The following HAVCR1 variants were observed in gnomAD, a reference collection of about 807,000 sequenced individuals.
The protein encoded by HAVCR1 is T cell immunoglobin domain and mucin domain protein 1.
HAVCR1 carries 34 observed loss-of-function variants against 32.0 expected under a neutral mutation model. The ratio of observed to expected loss-of-function variants is 1.06; its 90% CI spans 0.81 to 1.42. The LOEUF is 1.42. Ranked by LOEUF, HAVCR1 falls within the 40% of genes most tolerant of loss-of-function variation. The pLI, the probability that HAVCR1 is intolerant of heterozygous loss-of-function variation, is 0.00. For synonymous variants in HAVCR1, 178 were observed against 170.3 expected, an observed-to-expected ratio of 1.05 and a Z score of -0.35; for missense variants, 420 against 442.3, an observed-to-expected ratio of 0.95 and a Z score of 0.45.
At chr5:157,049,259 T>G in intron 4 of HAVCR1, 114 bp from the exon 5 acceptor site, 1 of 724,976 alleles carries the variant, frequency 1.4e-6, no homozygotes, top group Non-Finnish European at 2.5e-6. Flanking sequence ...CATGGGCCCT[T>G]CTCCTGGCCT....
chr5:157,044,484 G>A (rs59678370), intron 5 of HAVCR1, among the ~76,000 whole-genome samples: 7,370 of 37,192 alleles, frequency 0.2, 746 homozygotes, highest in East Asian at 0.42. Context: ...AGGAAGGAAG[G>A]AAGGAAGGAA....
intron 7 of HAVCR1, among the ~76,000 whole-genome samples, chr5:157,036,610 T>C (rs1645039504): frequency 6.6e-6 from 1 of 152,256 alleles, no homozygotes; most frequent in South Asian, 2.1e-4. Context: ...TAGAGATTTA[T>C]GGCAAAAGGA....
intron 7 of HAVCR1, among the ~76,000 whole-genome samples, chr5:157,034,049 G>A (rs1002497040): frequency 2.0e-5 from 3 of 152,138 alleles, no homozygotes; most frequent in Admixed American, 6.6e-5. Context: ...TCATCAGGTG[G>A]GACAAGAGAC....
chr5:157,042,461 A>G (rs1754964776), intron 6 of HAVCR1, among the ~76,000 whole-genome samples, 166 bp downstream of exon 6: 1 of 138,314 alleles, frequency 7.2e-6, no homozygotes, highest in Non-Finnish European at 1.6e-5. Flanking sequence ...AAAAAAAAAA[A>G]TTAAAGCATC....
upstream of HAVCR1, among the ~76,000 whole-genome samples, chr5:157,059,746 G>A (rs561923544): frequency 6.6e-6 from 1 of 152,336 alleles, no homozygotes; most frequent in South Asian, 2.1e-4. Flanking sequence ...CACTTTGGGA[G>A]GCCAAGGCAA....
chr5:157,057,299 G>C (rs1350029189), intron 2 of HAVCR1, among the ~76,000 whole-genome samples: 2 of 150,732 alleles, frequency 1.3e-5, no homozygotes, highest in East Asian at 3.9e-4. Flanking sequence ...CTGGGCGACA[G>C]AGTGAGACTC....
intron 5 of HAVCR1, among the ~76,000 whole-genome samples, chr5:157,044,631 A>AAGAAAGAAAG (rs1581701934): frequency 1.1e-3 from 91 of 80,416 alleles, no homozygotes; most frequent in East Asian, 5.1e-3. Flanking sequence ...GAAAGAAAGA[A>AAGAAAGAAAG]AGAAAGAAAG....
At chr5:157,067,987 C>T in the HAVCR1 span, among the ~76,000 whole-genome samples, 5 of 151,764 alleles carry the variant, frequency 3.3e-5, no homozygotes, top group Non-Finnish European at 5.9e-5. Flanking sequence ...GAGCAAGACC[C>T]GTTCTCAAAA....
At chr5:157,068,231 G>A in the HAVCR1 span, among the ~76,000 whole-genome samples, 1 of 152,036 alleles carries the variant, frequency 6.6e-6, no homozygotes, top group Non-Finnish European at 1.5e-5. Flanking sequence ...CTGAGATGGA[G>A]CCACTGCACC....
chr5:157,066,814 C>T, the HAVCR1 span, among the ~76,000 whole-genome samples: 83,283 of 151,996 alleles, frequency 0.55, 24,464 homozygotes, highest in East Asian at 0.85. Context: ...GGGCCGGGCA[C>T]GGTGGCTCAT....
At chr5:157,059,576 G>A (rs1476713876), upstream of HAVCR1, among the ~76,000 whole-genome samples, 1 of 152,222 alleles carries the variant, frequency 6.6e-6, no homozygotes, top group Non-Finnish European at 1.5e-5. Flanking sequence ...TTAGGAGGCT[G>A]AGGTAGAAGA....
intron 7 of HAVCR1, among the ~76,000 whole-genome samples, chr5:157,033,099 G>A (rs1754270431): frequency 6.6e-6 from 1 of 151,848 alleles, no homozygotes; most frequent in Non-Finnish European, 1.5e-5. Flanking sequence ...TTAATGGTTT[G>A]GTGTATTCAT....
In HAVCR1 at chr5:157,029,508, T is replaced by C. The variant is rs1754037566; in HGVS notation, c.*225A>G. On this transcript the variant is annotated 3_prime_UTR_variant, in exon 9 of 9. Coordinates refer to ENST00000523175, the MANE Select transcript of HAVCR1 (RefSeq NM_001173393.3). Reference sequence around the variant, plus strand: ...AGAAAACTGCAATGATCAGAAGGATTGAGCCAGTTTTAGCATAAAAAATTA... The same window carrying C: ...AGAAAACTGCAATGATCAGAAGGATCGAGCCAGTTTTAGCATAAAAAATTA... The C allele has an allele frequency of 6.7e-6, 7 of 1,038,180 alleles. No homozygotes were observed. Among genetic ancestry groups the C allele is most frequent in the Middle Eastern group, 4.2e-4 (2 of 4,742 alleles). 64.3% of individuals were successfully genotyped at this position (1,038,180 alleles called of 1,614,324 possible).
intron 1 of HAVCR1, among the ~76,000 whole-genome samples, 197 bp downstream of exon 1, chr5:157,058,724 C>T (rs1274349960): frequency 6.6e-6 from 1 of 152,218 alleles, no homozygotes; most frequent in Non-Finnish European, 1.5e-5. Context: ...GCTTTTCCTA[C>T]TCAGTGGCCA....
chr5:157,055,343 T>C lies in HAVCR1; in HGVS notation c.237A>G (p.Leu79=), dbSNP rs780221406. Residue 79 remains leucine, a synonymous_variant, in exon 3 of 9, where the codon CTA becomes CTG. Transcript: ENST00000523175. ...VTYRKDTRYK[L]LGDLSRRDVS... ...CATCCCTTCTTGAAAGGTCCCCCAA[T>C]AGCTTATAGCGTGTGTCCTTCCGAT... 5 of 1,613,348 alleles carry C rather than the reference T, an allele frequency of 3.1e-6. No homozygotes were observed. Among genetic ancestry groups the C allele is most frequent in the Non-Finnish European group, 4.2e-6 (5 of 1,179,280 alleles).
intron 6 of HAVCR1, 36 bp from the exon 7 acceptor site, chr5:157,037,397 T>A: frequency 1.1e-6 from 1 of 943,132 alleles, no homozygotes; most frequent in Non-Finnish European, 1.7e-6. Flanking sequence ...AAGCATCTTG[T>A]TAGAAAGTTA....
chr5:157,065,065 C>A, the HAVCR1 span, among the ~76,000 whole-genome samples: 1 of 152,150 alleles, frequency 6.6e-6, no homozygotes, highest in Non-Finnish European at 1.5e-5. Flanking sequence ...CGGTGGCTCA[C>A]GCCTGTAATC....
intron 2 of HAVCR1, among the ~76,000 whole-genome samples, chr5:157,055,820 G>A (rs576624167): frequency 3.3e-5 from 5 of 151,638 alleles, no homozygotes; most frequent in Admixed American, 1.3e-4. Context: ...AGCTGAGCTC[G>A]TGCCACTACA....
intron 5 of HAVCR1, among the ~76,000 whole-genome samples, chr5:157,047,190 C>G (rs1190968180): frequency 6.6e-6 from 1 of 152,198 alleles, no homozygotes; most frequent in African/African-American, 2.4e-5. Flanking sequence ...GGTCATAAGA[C>G]ACTTCCCAGA....
Sources: gnomAD v4.1 joint callset for allele counts (sites outside exome capture counted in the v4.1 genomes callset) on GRCh38, gnomAD v4.1.1 for gene constraint, MANE v1.5 for transcripts, NCBI Gene and HGNC (gene_info 2026-07-23, HGNC 2026-07-21) for gene names.